BTG4: variants seen among roughly 807,000 people sequenced by gnomAD.
BTG4 encodes the protein BTG anti-proliferation factor 4.
Under a neutral mutation model 19.3 loss-of-function variants are expected in BTG4, and 10 were observed. The observed-to-expected ratio is 0.52, with a 90% CI of 0.32 to 0.88. The LOEUF is 0.88. Ranked by LOEUF, BTG4 falls within the 40% of genes least tolerant of loss-of-function variation. BTG4 has a pLI of 0.04. For missense variants in BTG4, 238 were observed against 281.9 expected, an observed-to-expected ratio of 0.84 and a Z score of 1.11; for synonymous variants, 91 against 95.7, an observed-to-expected ratio of 0.95 and a Z score of 0.29.
At chr11:111,485,432 T>C (rs1016176104) in intron 5 of BTG4, among the ~76,000 whole-genome samples, 1 of 152,072 alleles carries the variant, frequency 6.6e-6, no homozygotes, top group African/African-American at 2.4e-5. Context: ...GGAATAAAAC[T>C]AGAAATCAAT....
the BTG4 span, among the ~76,000 whole-genome samples, chr11:111,424,768 A>C: frequency 6.6e-6 from 1 of 152,056 alleles, no homozygotes; most frequent in African/African-American, 2.4e-5. Flanking sequence ...GACCAGCCTG[A>C]CCAATATGGT....
chr11:111,411,497 A>G, the BTG4 span, among the ~76,000 whole-genome samples: 1 of 152,234 alleles, frequency 6.6e-6, no homozygotes, highest in Non-Finnish European at 1.5e-5. Context: ...GCACTCATGC[A>G]CATTCCACCC....
intron 5 of BTG4, among the ~76,000 whole-genome samples, chr11:111,473,964 T>C (rs1338839582): frequency 6.6e-6 from 1 of 152,166 alleles, no homozygotes; most frequent in Non-Finnish European, 1.5e-5. Flanking sequence ...TCTTTAAAAA[T>C]CACACGTTTT....
At chr11:111,387,692 G>A in the BTG4 span, among the ~76,000 whole-genome samples, 7 of 152,300 alleles carry the variant, frequency 4.6e-5, no homozygotes, top group South Asian at 1.5e-3. Flanking sequence ...CAAGGACCAG[G>A]TAGCTTTAAT....
rs1203194606 is a variant in BTG4 at position 111,469,966 on chromosome 11, G to C, written c.663-2285C>G. ...AAATGAAGCATGTATCTCCCTTGGA[G>C]CCAGAATCACTAGAAGAGGTAACTA... On this transcript the variant is annotated intron_variant, in intron 5 of 5. Transcript: ENST00000356018. 2.0e-5 allele frequency: 3 copies of C among 152,786 alleles called. No homozygotes were observed. In the East Asian group the frequency reaches 5.8e-4, roughly 29 times the overall value. The allele number at this position is 152,786 out of a possible 1,614,324, so 9.5% of individuals were successfully genotyped here. A position where few individuals can be genotyped will look rare whatever the true frequency, so the allele number is the denominator to read the frequency against.
At chr11:111,476,135 TACAC>T (rs55989357) in intron 5 of BTG4, among the ~76,000 whole-genome samples, 8 of 148,742 alleles carry the variant, frequency 5.4e-5, no homozygotes, top group East Asian at 2.0e-4. Flanking sequence ...CCAGAATAGA[TACAC>T]ACACACACAC....
chr11:111,477,077 T>A (rs1864437773), intron 5 of BTG4, among the ~76,000 whole-genome samples: 2 of 152,188 alleles, frequency 1.3e-5, no homozygotes, highest in Admixed American at 1.3e-4. Context: ...ATATTCCTCA[T>A]TCTTGGCTGA....
chr11:111,497,912 G>A lies in BTG4; in HGVS notation c.311+86C>T, dbSNP rs936622224. The A allele has an allele frequency of 3.5e-6, 5 of 1,435,432 alleles. No individual in the cohort carries two copies. In the Admixed American group the frequency reaches 9.9e-5, roughly 28 times the overall value. The allele number at this position is 1,435,432 out of a possible 1,614,324, so 88.9% of individuals were successfully genotyped here. A position where few individuals can be genotyped will look rare whatever the true frequency, so the allele number is the denominator to read the frequency against. On this transcript the variant is annotated intron_variant, in intron 3 of 4. Coordinates refer to ENST00000692032, the MANE Select transcript of BTG4 (RefSeq NM_001367975.1). ...CCCTGCTGCCAACTCAAGGCTTTGG[G>A]GCATCATCTTTCATGAAGGTATGTA...
the BTG4 span, among the ~76,000 whole-genome samples, chr11:111,459,357 C>A: frequency 6.6e-6 from 1 of 152,174 alleles, no homozygotes; most frequent in Non-Finnish European, 1.5e-5. Flanking sequence ...GAACACAAGC[C>A]CCCTTCTTTT....
At chr11:111,412,081 T>G in the BTG4 span, among the ~76,000 whole-genome samples, 1 of 152,180 alleles carries the variant, frequency 6.6e-6, no homozygotes, top group East Asian at 1.9e-4. Flanking sequence ...AGAAATTAAT[T>G]GGACCAGAAA....
At chr11:111,416,288 G>GCCTCTCTTCCTCTCTCTC in the BTG4 span, 1 of 151,880 alleles carries the variant, frequency 6.6e-6, no homozygotes, top group Non-Finnish European at 1.5e-5. Context: ...AACAAACTGG[G>GCCTCTCTTCCTCTCTCTC]CCTCTCTTCC....
the BTG4 span, chr11:111,451,044 A>G: frequency 5.5e-6 from 1 of 181,210 alleles, no homozygotes; most frequent in Non-Finnish European, 1.2e-5. Flanking sequence ...CTGCCCCCAG[A>G]GCCAGGCATC....
At chr11:111,463,441 G>A (rs1324698280), downstream of BTG4, 2 of 152,680 alleles carry the variant, frequency 1.3e-5, no homozygotes, top group Admixed American at 1.3e-4. Context: ...GCAGCTCACT[G>A]CAGCGCTAGT....
At chr11:111,394,627 A>C in the BTG4 span, among the ~76,000 whole-genome samples, 12 of 152,150 alleles carry the variant, frequency 7.9e-5, no homozygotes, top group Non-Finnish European at 1.6e-4. Context: ...AGACTAATAC[A>C]CATACCCAGT....
At chr11:111,488,121 T>C (rs1177222718) in intron 5 of BTG4, among the ~76,000 whole-genome samples, 1 of 152,012 alleles carries the variant, frequency 6.6e-6, no homozygotes, top group African/African-American at 2.4e-5. Flanking sequence ...GTATATGGAA[T>C]CACAAATGAC....
At chr11:111,399,013 G>A in the BTG4 span, 1 of 152,142 alleles carries the variant, frequency 6.6e-6, no homozygotes, top group Non-Finnish European at 1.5e-5. Context: ...GGTGGGAAAA[G>A]GCATGAATAC....
chr11:111,514,677 G>A (rs1376369456), upstream of BTG4: 2 of 861,408 alleles, frequency 2.3e-6, no homozygotes, highest in South Asian at 3.4e-5. Context: ...CTAGGAAACC[G>A]AGGGCAGCCG....
downstream of BTG4, chr11:111,467,524 G>T (rs1441612899): frequency 3.9e-5 from 22 of 564,710 alleles, no homozygotes; most frequent in South Asian, 5.1e-4. Context: ...TTAGCAAAAG[G>T]ATAGGTTTGG....
At chr11:111,461,067 G>C in the BTG4 span, among the ~76,000 whole-genome samples, 1 of 152,194 alleles carries the variant, frequency 6.6e-6, no homozygotes, top group Admixed American at 6.5e-5. Context: ...ATGGATGGGA[G>C]TGGGGCCAGA....
Sources: allele counts gnomAD v4.1 joint callset (sites outside exome capture counted in the v4.1 genomes callset), GRCh38; gene constraint gnomAD v4.1.1; transcripts MANE v1.5; gene names NCBI Gene and HGNC (gene_info 2026-07-23, HGNC 2026-07-21).